PCDH15: variants seen among roughly 807,000 people sequenced by gnomAD.
The protein encoded by PCDH15 is protocadherin-15.
PCDH15 carries 129 observed loss-of-function variants against 178.5 expected under a neutral mutation model. That is an observed-to-expected ratio of 0.72 (90% CI 0.63 to 0.84). PCDH15 has a LOEUF of 0.84. PCDH15 is among the 40% of genes least tolerant of loss of function. The probability of loss-of-function intolerance (pLI) is 0.00; values close to 1 mark genes in which losing one functional copy is unlikely to be tolerated. For synonymous variants in PCDH15, 800 were observed against 732.0 expected (o/e 1.09, Z -1.50); for missense variants, 2,230 against 2,099.9 (o/e 1.06, Z -1.21).
At chr10:54,501,442 TA>T (rs2080680413) in intron 3 of PCDH15, among the ~76,000 whole-genome samples, 1 of 152,100 alleles carries the variant, frequency 6.6e-6, no homozygotes, top group South Asian at 2.1e-4. Context: ...TCACAACTTG[TA>T]AAATAAACAC....
At chr10:54,706,665 C>T (rs1409122933) in intron 1 of PCDH15, among the ~76,000 whole-genome samples, 2 of 152,054 alleles carry the variant, frequency 1.3e-5, no homozygotes, top group African/African-American at 4.8e-5. Flanking sequence ...GCTCTGTTGC[C>T]CAGGCTGTAG....
chr10:54,790,041 A>T (rs1014659455), intron 1 of PCDH15, among the ~76,000 whole-genome samples: 1 of 151,942 alleles, frequency 6.6e-6, no homozygotes, highest in Non-Finnish European at 1.5e-5. Context: ...AAAATATTAA[A>T]TAAAAGTATA....
chr10:55,266,282 T>C (rs1842292242), intron 1 of PCDH15, among the ~76,000 whole-genome samples: 1 of 152,170 alleles, frequency 6.6e-6, no homozygotes. Flanking sequence ...AGCTCCTGTT[T>C]GCTAGAAACC....
intron 23 of PCDH15, among the ~76,000 whole-genome samples, chr10:53,957,530 A>G (rs2087750968): frequency 6.7e-6 from 1 of 148,728 alleles, no homozygotes; most frequent in Non-Finnish European, 1.5e-5. Flanking sequence ...GATAACCCAG[A>G]CAGTTACTAA....
intron 2 of PCDH15, among the ~76,000 whole-genome samples, chr10:55,414,334 C>T (rs188474096): frequency 3.3e-5 from 5 of 151,410 alleles, no homozygotes; most frequent in East Asian, 1.9e-4. Context: ...TAGTACAACC[C>T]GATGAAGAGT....
intron 1 of PCDH15, among the ~76,000 whole-genome samples, chr10:55,245,707 A>C (rs986384769): frequency 6.6e-6 from 1 of 152,204 alleles, no homozygotes; most frequent in Admixed American, 6.5e-5. Flanking sequence ...CAGAATATGT[A>C]TCAGAAGAGA....
intron 18 of PCDH15, among the ~76,000 whole-genome samples, chr10:54,057,586 C>T (rs188807269): frequency 6.6e-6 from 1 of 152,192 alleles, no homozygotes; most frequent in East Asian, 1.9e-4. Context: ...CCCAGGAAAC[C>T]ATTTTTTCCT....
intron 1 of PCDH15, among the ~76,000 whole-genome samples, chr10:54,769,601 C>T (rs982752798): frequency 6.6e-6 from 1 of 151,826 alleles, no homozygotes; most frequent in Non-Finnish European, 1.5e-5. Flanking sequence ...TTACAGGAAA[C>T]ATCATCACAA....
chr10:53,820,088 A>G (rs2076203158), intron 33 of PCDH15, 77 bp downstream of exon 33: 1 of 396,390 alleles, frequency 2.5e-6, no homozygotes, highest in East Asian at 3.6e-5. Context: ...TATAAATTTT[A>G]CATTTGCAAA....
rs143566060 is a variant in PCDH15, at chr10:54,507,819, A to C, written c.157+19993T>G. 2.0e-5 allele frequency among the ~76,000 whole-genome samples: 3 copies of C among 152,164 alleles called. No homozygotes were observed. In the East Asian group the frequency reaches 5.8e-4, roughly 29 times the overall value. ...ACTAATTTGGCAATAACTTATTTCA[A>C]AAGCTGCTTCCTTTCTCTAAGCCTC... On this transcript the variant is annotated intron_variant, in intron 3 of 37. Coordinates refer to ENST00000644397, the MANE Select transcript of PCDH15 (RefSeq NM_001384140.1).
intron 1 of PCDH15, among the ~76,000 whole-genome samples, chr10:54,797,316 AT>A (rs1952135302): frequency 6.6e-6 from 1 of 151,932 alleles, no homozygotes; most frequent in Non-Finnish European, 1.5e-5. Context: ...GAAATGCTTC[AT>A]TTTCTTTAGT....
At chr10:54,869,922 G>C (rs1004433067) in intron 3 of PCDH15, among the ~76,000 whole-genome samples, 2 of 152,106 alleles carry the variant, frequency 1.3e-5, no homozygotes, top group African/African-American at 4.8e-5. Context: ...CAATTCCCTA[G>C]CAATACTCCA....
chr10:54,344,346 T>C (rs1398827172), intron 6 of PCDH15, among the ~76,000 whole-genome samples: 2 of 152,196 alleles, frequency 1.3e-5, no homozygotes, highest in Non-Finnish European at 2.9e-5. Context: ...TATTATATTG[T>C]ACAGCAAACC....
intron 2 of PCDH15, among the ~76,000 whole-genome samples, chr10:55,052,000 A>G (rs1217756060): frequency 5.9e-5 from 9 of 152,134 alleles, no homozygotes; most frequent in Non-Finnish European, 1.2e-4. Flanking sequence ...AAATGTGAGG[A>G]TACTGTAAAA....
At chr10:53,916,607 A>G (rs2133832863) in intron 25 of PCDH15, among the ~76,000 whole-genome samples, 1 of 152,350 alleles carries the variant, frequency 6.6e-6, no homozygotes, top group Non-Finnish European at 1.5e-5. Flanking sequence ...CTATTATGAT[A>G]TTACAGGACT....
chr10:55,279,930 T>C (rs1032004197), intron 1 of PCDH15, among the ~76,000 whole-genome samples: 3 of 152,176 alleles, frequency 2.0e-5, no homozygotes, highest in African/African-American at 7.2e-5. Context: ...TGGCATTTTT[T>C]AATATTAGGA....
At chr10:55,237,432 G>T (rs1841412352) in intron 1 of PCDH15, among the ~76,000 whole-genome samples, 1 of 152,078 alleles carries the variant, frequency 6.6e-6, no homozygotes, top group Non-Finnish European at 1.5e-5. Context: ...TCTAGAATTT[G>T]AAGTATCTTT....
chr10:54,000,583 C>A (rs1309759674), intron 20 of PCDH15, among the ~76,000 whole-genome samples: 3 of 151,530 alleles, frequency 2.0e-5, no homozygotes, highest in Non-Finnish European at 4.4e-5. Flanking sequence ...ATTGACCAAG[C>A]AGAAGAAAGA....
At chr10:55,186,644 C>T (rs1839807118) in intron 1 of PCDH15, among the ~76,000 whole-genome samples, 1 of 151,742 alleles carries the variant, frequency 6.6e-6, no homozygotes, top group Non-Finnish European at 1.5e-5. Flanking sequence ...AAAAAACTTA[C>T]ATTTTTAAAA....
Sources: allele counts gnomAD v4.1 joint callset (sites outside exome capture counted in the v4.1 genomes callset), GRCh38; gene constraint gnomAD v4.1.1; transcripts MANE v1.5; gene names NCBI Gene and HGNC (gene_info 2026-07-23, HGNC 2026-07-21).